PCNT: variants seen among roughly 807,000 people sequenced by gnomAD.
PCNT encodes pericentrin, also known as kendrin.
In PCNT, 319 loss-of-function variants were observed where a neutral mutation model predicts 380.4. The ratio of observed to expected loss-of-function variants is 0.84; its 90% CI spans 0.77 to 0.92. PCNT has a LOEUF of 0.92. Ranked by LOEUF, PCNT falls within the 40% of genes least tolerant of loss-of-function variation. The probability of loss-of-function intolerance (pLI) is 0.00; values close to 1 mark genes in which losing one functional copy is unlikely to be tolerated. For synonymous variants in PCNT, 1,845 were observed against 1,735.2 expected, an observed-to-expected ratio of 1.06 and a Z score of -1.57; for missense variants, 4,400 against 4,255.3, an observed-to-expected ratio of 1.03 and a Z score of -0.95.
At chr21:46,438,712 G>A (rs1601210940) in intron 41 of PCNT, among the ~76,000 whole-genome samples, 1 of 121,864 alleles carries the variant, frequency 8.2e-6, no homozygotes, top group Non-Finnish European at 1.7e-5. Context: ...TTGCTCTGTT[G>A]CCCAGGCTAG....
At position 46,344,228 on chromosome 21, in the gene PCNT, C is replaced by T. The variant is rs561000877; in HGVS notation, c.640-1900C>T. 4.8e-3 allele frequency among the ~76,000 whole-genome samples: 734 copies of T among 152,176 alleles called. 5 individuals are homozygous for T. The highest frequency in any genetic ancestry group is 0.017 in the Middle Eastern group (5 of 294). On this transcript the variant is annotated intron_variant, in intron 3 of 46. Coordinates refer to ENST00000359568, the MANE Select transcript of PCNT (RefSeq NM_006031.6). Reference sequence around the variant, plus strand: ...AGCTGGGACTACAGGCGCCTGCCACCACGCCCAGCTAATTTTTTTGTATTT... The same window carrying T: ...AGCTGGGACTACAGGCGCCTGCCACTACGCCCAGCTAATTTTTTTGTATTT...
At chr21:46,351,338 C>T (rs1309733383) in intron 8 of PCNT, 91 bp from the exon 9 acceptor site, 39 of 788,692 alleles carry the variant, frequency 4.9e-5, no homozygotes, top group Middle Eastern at 3.0e-4. Flanking sequence ...CCCTTAGGAT[C>T]GCAGTGGCAG....
intron 36 of PCNT, 118 bp from the exon 37 acceptor site, chr21:46,430,389 G>A: frequency 1.4e-6 from 2 of 1,436,208 alleles, no homozygotes; most frequent in Non-Finnish European, 1.9e-6. Context: ...TCCTGTGGTG[G>A]GGGGTGAAGC....
Position 46,427,724 on chromosome 21 carries a change from C to T in PCNT, c.7423C>T (p.Arg2475Ter), listed in dbSNP as rs750718833. 2 of 1,613,798 alleles carry T rather than the reference C, an allele frequency of 1.2e-6. No homozygotes were observed. The highest frequency in any genetic ancestry group is 1.7e-5 in the Admixed American group (1 of 60,018). Residue 2475 changes from arginine (R) to a stop codon, truncating the protein, a stop_gained, in exon 34 of 47, where the codon CGA becomes TGA. Transcript: ENST00000359568. LOFTEE classifies it high-confidence loss of function. ...GATGCAGGGGGTTGAGCTGCAGCCC[C>T]GACTCAGTGGCTCAGATCTGGGGGG... ...QEMQGVELQP[R>*]LSGSDLGGHS...
intron 21 of PCNT, among the ~76,000 whole-genome samples, chr21:46,393,526 G>A (rs950638613): frequency 3.9e-5 from 6 of 152,074 alleles, no homozygotes; most frequent in South Asian, 2.1e-4. Flanking sequence ...CCAGCCAGCC[G>A]GCGCTGGGCC....
At chr21:46,440,640 TGTG>T (rs910349877) in intron 42 of PCNT, among the ~76,000 whole-genome samples, 18 of 152,296 alleles carry the variant, frequency 1.2e-4, no homozygotes, top group Admixed American at 3.9e-4. Context: ...GAGAGGAGCT[TGTG>T]GTCCTAGATC....
Position 46,444,789 on chromosome 21 carries a change from T to A in PCNT, c.9935T>A (p.Val3312Glu). Residue 3312 changes from valine to glutamate, a missense_variant, in exon 46 of 47, where the codon GTG becomes GAG. By Grantham distance (121) the Val-to-Glu change is moderately radical. Coordinates refer to ENST00000359568, the MANE Select transcript of PCNT (RefSeq NM_006031.6). ...SLTEYIHHLE[V>E]IQQRLGGVLP... ...ACAGAGTATATTCACCATTTAGAAG[T>A]GATCCAGCAAAGATTGGGAGGGGTA... is the stretch of plus-strand genomic sequence containing the variant. 6.2e-7 allele frequency: 1 copy of A among 1,613,532 alleles called. No homozygotes were observed. The highest frequency in any genetic ancestry group is 8.5e-7 in the Non-Finnish European group (1 of 1,179,496).
chr21:46,432,159 C>G lies in PCNT; in HGVS notation c.8695C>G (p.Gln2899Glu), dbSNP rs934324267. 1 of 1,613,454 alleles carries G rather than the reference C, an allele frequency of 6.2e-7. No homozygotes were observed. Among genetic ancestry groups the G allele is most frequent in the African/African-American group, 1.3e-5 (1 of 74,932 alleles). ...KAARRSAEAR[Q>E]SPAAAEQWRK... ...TGCGAGGAGGAGCGCGGAGGCCAGG[C>G]AGAGCCCAGCGGCTGCGGAGCAGTG... Residue 2899 changes from glutamine to glutamate, a missense_variant, in exon 38 of 47, where the codon CAG becomes GAG. By Grantham distance (29) the Gln-to-Glu change is conservative. Coordinates refer to ENST00000359568, the MANE Select transcript of PCNT (RefSeq NM_006031.6).
chr21:46,347,382 GT>G (rs2084107536), intron 5 of PCNT, 74 bp from the exon 6 acceptor site: 1 of 1,474,364 alleles, frequency 6.8e-7, no homozygotes, highest in African/African-American at 1.4e-5. Context: ...CCAGAGCCTG[GT>G]CGTTTCCTGG....
In PCNT at chr21:46,355,482, G is replaced by A. The variant is rs1199815187; in HGVS notation, c.1792G>A (p.Glu598Lys). ...ESLPRFQAEL[E>K]ESHRHQLEAL... ...CCTGCCACGCTTCCAGGCGGAGTTA[G>A]AAGAAAGCCACAGGCACCAGCTGGA... Residue 598 changes from glutamate (E) to lysine (K), a missense_variant, in exon 12 of 47, where the codon GAA (glutamate) becomes AAA (lysine). Physicochemically the swap from Glu to Lys is moderately conservative, Grantham distance 56. Transcript: ENST00000359568. 6.2e-6 allele frequency: 10 copies of A among 1,613,936 alleles called. No homozygotes were observed. In the African/African-American group the frequency reaches 1.3e-4, roughly 22 times the overall value.
chr21:46,442,364 C>T (rs952421804), intron 43 of PCNT, 133 bp from the exon 44 acceptor site: 9 of 703,922 alleles, frequency 1.3e-5, no homozygotes, highest in South Asian at 4.5e-5. Flanking sequence ...ACAGACTGGC[C>T]GACCTTGGCG....
chr21:46,416,835 C>T lies in PCNT; in HGVS notation c.6917C>T (p.Ala2306Val). ...PADDHHVQRTAVEKDVEDFIT... is the reference protein window; with the variant it reads ...PADDHHVQRTVVEKDVEDFIT... ...GACGACCACCATGTGCAGAGGACGGCTGTGGTAGGTGCCTGCTCTGCTCCC... is the reference window on the plus strand; with the variant it reads ...GACGACCACCATGTGCAGAGGACGGTTGTGGTAGGTGCCTGCTCTGCTCCC... Residue 2306 changes from alanine to valine, a missense_variant, in exon 30 of 47, where the codon GCT becomes GTT. Coordinates refer to ENST00000359568, the MANE Select transcript of PCNT (RefSeq NM_006031.6). The T allele has an allele frequency of 1.9e-6, 3 of 1,597,670 alleles. No individual in the cohort carries two copies. Among genetic ancestry groups the T allele is most frequent in the Non-Finnish European group, 2.5e-6 (3 of 1,179,706 alleles).
At chr21:46,401,803 A>G (rs2086438130) in intron 26 of PCNT, 82 bp downstream of exon 26, 2 of 1,320,362 alleles carry the variant, frequency 1.5e-6, no homozygotes, top group Non-Finnish European at 2.2e-6. Context: ...CGATGTCCAG[A>G]TAACACAGGC....
Position 46,346,736 on chromosome 21 carries a change from G to T in PCNT, c.721-7G>T, listed in dbSNP as rs2839217. ...GGCCCTTATCAGAGGCCTTTTCTCC[G>T]CCGCAGGCCGTGCATGGCCTTGAGC... is the stretch of plus-strand genomic sequence containing the variant. On this transcript the variant is annotated splice_polypyrimidine_tract_variant and splice_region_variant and intron_variant, in intron 4 of 46. Coordinates refer to ENST00000359568, the MANE Select transcript of PCNT (RefSeq NM_006031.6). 7 of 1,592,088 alleles carry T rather than the reference G, an allele frequency of 4.4e-6. No homozygotes were observed. The highest frequency in any genetic ancestry group is 4.3e-6 in the Non-Finnish European group (5 of 1,170,512).
chr21:46,359,397 C>A (rs761984390), intron 13 of PCNT, among the ~76,000 whole-genome samples: 1 of 144,012 alleles, frequency 6.9e-6, no homozygotes, highest in Non-Finnish European at 1.5e-5. Flanking sequence ...TCTGTTGTTA[C>A]ACGTGTACAC....
In PCNT at chr21:46,430,039, G is replaced by A; in HGVS notation, c.7720G>A (p.Glu2574Lys). ...VELLAYKVEQ[E>K]KCIAGDLQKT... ...ACTGCTGGCTTATAAAGTAGAGCAG[G>A]AGAAGTGCATTGCTGGTGACTTGCA... Residue 2574 changes from glutamate (E) to lysine (K), a missense_variant, in exon 36 of 47, where the codon GAG (glutamate) becomes AAG (lysine). Glu to Lys is a moderately conservative substitution (Grantham distance 56). Transcript: ENST00000359568. The A allele has an allele frequency of 6.2e-7, 1 of 1,614,192 alleles. No homozygotes were observed. The highest frequency in any genetic ancestry group is 2.2e-5 in the East Asian group (1 of 44,882).
chr21:46,397,180 G>A (rs894956998), intron 21 of PCNT, 85 bp from the exon 22 acceptor site: 22 of 1,083,118 alleles, frequency 2.0e-5, no homozygotes, highest in Non-Finnish European at 3.0e-5. Flanking sequence ...GGTTTTGACT[G>A]AATCACCATC....
chr21:46,440,622 A>G (rs1371411490), intron 42 of PCNT, among the ~76,000 whole-genome samples: 2 of 152,206 alleles, frequency 1.3e-5, no homozygotes, highest in Non-Finnish European at 2.9e-5. Flanking sequence ...TCATTTGATG[A>G]TGCTGTGGAG....
At chr21:46,410,058 T>A (rs907532973) in intron 27 of PCNT, among the ~76,000 whole-genome samples, 6 of 152,276 alleles carry the variant, frequency 3.9e-5, no homozygotes, top group Non-Finnish European at 8.8e-5. Context: ...AGAAGCTGCG[T>A]ATAATCAGAA....
Sources: gnomAD v4.1 joint callset for allele counts (sites outside exome capture counted in the v4.1 genomes callset) on GRCh38, gnomAD v4.1.1 for gene constraint, MANE v1.5 for transcripts, NCBI Gene and HGNC (gene_info 2026-07-23, HGNC 2026-07-21) for gene names.